DHRSX: variants seen among roughly 807,000 people sequenced by gnomAD.
DHRSX encodes dehydrogenase/reductase X-linked, also known as polyprenol dehydrogenase.
A neutral mutation model predicts 34.0 loss-of-function variants in DHRSX; 31 were observed. The observed-to-expected ratio is 0.91, with a 90% CI of 0.69 to 1.23. The LOEUF is 1.23. Among genes scored for constraint, DHRSX ranks in the 50% most tolerant of loss-of-function variants. The pLI, the probability that DHRSX is intolerant of heterozygous loss-of-function variation, is 0.00. For missense variants in DHRSX, 414 were observed against 428.1 expected (o/e 0.97, Z 0.29); for synonymous variants, 201 against 183.8 (o/e 1.09, Z -0.76).
At chrX:2,447,436 T>C (rs2044152921) in intron 1 of DHRSX, among the ~76,000 whole-genome samples, 1 of 152,146 alleles carries the variant, frequency 6.6e-6, no homozygotes, top group Non-Finnish European at 1.5e-5. Context: ...GACCGCCACC[T>C]TGTACACAGT....
intron 5 of DHRSX, among the ~76,000 whole-genome samples, chrX:2,260,263 A>G (rs2041345386): frequency 6.7e-6 from 1 of 148,840 alleles, no homozygotes; most frequent in African/African-American, 2.5e-5. Flanking sequence ...TGACTGGATC[A>G]TGGGGCACCT....
intron 1 of DHRSX, among the ~76,000 whole-genome samples, chrX:2,483,811 T>G (rs1295276650): frequency 3.7e-5 from 5 of 135,080 alleles, no homozygotes; most frequent in South Asian, 2.5e-4. Flanking sequence ...AAAAAAAAAG[T>G]AGTTTCAACA....
chrX:2,492,879 A>T (rs952963062), intron 1 of DHRSX, among the ~76,000 whole-genome samples: 5 of 152,252 alleles, frequency 3.3e-5, no homozygotes, highest in African/African-American at 1.2e-4. Flanking sequence ...GTACTTTATT[A>T]AAGCAAGGTA....
chrX:2,386,644 A>G (rs1424715647), intron 3 of DHRSX, among the ~76,000 whole-genome samples: 1 of 152,242 alleles, frequency 6.6e-6, no homozygotes, highest in South Asian at 2.1e-4. Flanking sequence ...ATTTTTTGCA[A>G]TAAGACAGCC....
At chrX:2,449,404 T>C (rs2044186448) in intron 1 of DHRSX, among the ~76,000 whole-genome samples, 1 of 152,022 alleles carries the variant, frequency 6.6e-6, no homozygotes, top group South Asian at 2.1e-4. Flanking sequence ...CTGAGACAGC[T>C]CCCCATAGAA....
chrX:2,492,763 G>A (rs1280514993), intron 1 of DHRSX, among the ~76,000 whole-genome samples: 2 of 152,178 alleles, frequency 1.3e-5, no homozygotes, highest in African/African-American at 2.4e-5. Flanking sequence ...AGCACCCTCC[G>A]CGTAAGCCTC....
At chrX:2,446,471 G>A (rs1163675625) in intron 1 of DHRSX, among the ~76,000 whole-genome samples, 1 of 126,358 alleles carries the variant, frequency 7.9e-6, no homozygotes, top group Non-Finnish European at 1.7e-5. Flanking sequence ...CGGTCTCGAG[G>A]CTTGTGGCTA....
chrX:2,357,417 C>T (rs73189685), intron 3 of DHRSX, among the ~76,000 whole-genome samples: 3,884 of 152,020 alleles, frequency 0.026, 87 homozygotes, highest in Non-Finnish European at 0.036. Flanking sequence ...GTAAGCCATA[C>T]GATTTATTTT....
In DHRSX at chrX:2,398,040, A is replaced by G. The variant is rs1035100982; in HGVS notation, c.286+10705T>C. On this transcript the variant is annotated intron_variant, in intron 3 of 6. Coordinates refer to ENST00000334651, the MANE Select transcript of DHRSX (RefSeq NM_145177.3). ...CTCACACACATAGATACATATGCCAACAGGCTGATATATTCAGGGTCTGGA... is the reference window on the plus strand; with the variant it reads ...CTCACACACATAGATACATATGCCAGCAGGCTGATATATTCAGGGTCTGGA... 2.8e-4 allele frequency among the ~76,000 whole-genome samples: 42 copies of G among 151,708 alleles called. 2 individuals are homozygous for G. The highest frequency in any genetic ancestry group is 2.0e-3 in the Admixed American group (30 of 15,256).
intron 3 of DHRSX, among the ~76,000 whole-genome samples, chrX:2,325,247 C>G (rs1350755742): frequency 1.4e-5 from 2 of 147,970 alleles, no homozygotes; most frequent in Non-Finnish European, 3.0e-5. Flanking sequence ...GAGGAACTAA[C>G]GACTAGACAC....
chrX:2,389,545 G>A (rs151118119), intron 3 of DHRSX, among the ~76,000 whole-genome samples: 1 of 152,266 alleles, frequency 6.6e-6, no homozygotes, highest in Non-Finnish European at 1.5e-5. Context: ...TGCTGGACAC[G>A]TGTGTCACAG....
chrX:2,318,217 G>C (rs1236380768), intron 3 of DHRSX, among the ~76,000 whole-genome samples: 1 of 147,864 alleles, frequency 6.8e-6, no homozygotes, highest in Admixed American at 6.8e-5. Context: ...AAAAGCAGCT[G>C]GGTGTGGTGA....
chrX:2,456,874 CA>C (rs1376296149), intron 1 of DHRSX, among the ~76,000 whole-genome samples: 3 of 152,044 alleles, frequency 2.0e-5, no homozygotes, highest in African/African-American at 4.8e-5. Flanking sequence ...TTCCAGAAAG[CA>C]AATGAAACTT....
intron 1 of DHRSX, among the ~76,000 whole-genome samples, chrX:2,497,263 C>G (rs2045308549): frequency 6.6e-6 from 1 of 152,122 alleles, no homozygotes; most frequent in Admixed American, 6.5e-5. Flanking sequence ...CATGGTGGCA[C>G]ATGCCTGTAA....
intron 1 of DHRSX, among the ~76,000 whole-genome samples, chrX:2,458,229 C>A (rs1163844736): frequency 6.6e-6 from 1 of 152,104 alleles, no homozygotes; most frequent in Admixed American, 6.6e-5. Context: ...GGCCAAGGGA[C>A]CCCCACCTTG....
chrX:2,339,595 T>G (rs1315216883), intron 3 of DHRSX, among the ~76,000 whole-genome samples: 3 of 152,086 alleles, frequency 2.0e-5, no homozygotes, highest in African/African-American at 7.2e-5. Flanking sequence ...CATGCCTTTG[T>G]GTCCTCATAG....
intron 2 of DHRSX, among the ~76,000 whole-genome samples, chrX:2,424,515 T>C: frequency 6.6e-6 from 1 of 152,252 alleles, no homozygotes; most frequent in South Asian, 2.1e-4. Context: ...CACTGTGATA[T>C]TGAACTTCCA....
At chrX:2,398,784 A>G (rs1249861822) in intron 3 of DHRSX, among the ~76,000 whole-genome samples, 1 of 146,082 alleles carries the variant, frequency 6.8e-6, no homozygotes, top group Non-Finnish European at 1.5e-5. Flanking sequence ...ATTCTCCTGC[A>G]TCAGCCTCCT....
intron 1 of DHRSX, among the ~76,000 whole-genome samples, chrX:2,431,572 C>G (rs2043923385): frequency 6.6e-6 from 1 of 152,030 alleles, no homozygotes; most frequent in Non-Finnish European, 1.5e-5. Flanking sequence ...ATACTATGCA[C>G]CCATTAAAAA....
Sources: allele counts gnomAD v4.1 joint callset (sites outside exome capture counted in the v4.1 genomes callset), GRCh38; gene constraint gnomAD v4.1.1; transcripts MANE v1.5; gene names NCBI Gene and HGNC (gene_info 2026-07-23, HGNC 2026-07-21).